SRGAP3: variants seen among roughly 807,000 people sequenced by gnomAD.
The protein encoded by SRGAP3 is SLIT-ROBO Rho GTPase activating protein 3, also known as SLIT-ROBO Rho GTPase-activating protein 3.
A neutral mutation model predicts 121.1 loss-of-function variants in SRGAP3; 39 were observed. The ratio of observed to expected loss-of-function variants is 0.32; its 90% CI spans 0.25 to 0.42. SRGAP3 has a LOEUF of 0.42. SRGAP3 is among the 10% of genes least tolerant of loss of function. The pLI is 1.00. For missense variants in SRGAP3, 1,213 were observed against 1,470.6 expected (o/e 0.82, Z 2.86); for synonymous variants, 601 against 570.0 (o/e 1.05, Z -0.77).
intron 2 of SRGAP3, among the ~76,000 whole-genome samples, chr3:9,328,546 G>T (rs920256056): frequency 2.0e-5 from 3 of 152,138 alleles, no homozygotes; most frequent in African/African-American, 7.2e-5. Flanking sequence ...TTTTAGCCAG[G>T]CCAAACGGCT....
chr3:9,053,400 C>T (rs1449336464), intron 8 of SRGAP3, among the ~76,000 whole-genome samples, 176 bp from the exon 9 acceptor site: 1 of 152,184 alleles, frequency 6.6e-6, no homozygotes, highest in African/African-American at 2.4e-5. Context: ...AGTCACCAAC[C>T]CAAAATCACA....
chr3:9,005,674 A>C (rs1943028048), intron 18 of SRGAP3, among the ~76,000 whole-genome samples: 1 of 152,256 alleles, frequency 6.6e-6, no homozygotes. Context: ...ATGTTATATA[A>C]TTCCATTTAT....
chr3:9,144,256 C>T (rs113917699), intron 1 of SRGAP3, among the ~76,000 whole-genome samples: 1,889 of 152,344 alleles, frequency 0.012, 34 homozygotes, highest in African/African-American at 0.042. Context: ...GTAAGACCTA[C>T]GTGGTGTGGT....
intron 3 of SRGAP3, among the ~76,000 whole-genome samples, chr3:9,309,764 T>C (rs1195968485): frequency 6.6e-6 from 1 of 152,096 alleles, no homozygotes; most frequent in Non-Finnish European, 1.5e-5. Flanking sequence ...AAGGCTGTGG[T>C]GGGAGGACTG....
chr3:9,056,115 T>C (rs1207304643), intron 8 of SRGAP3, 118 bp downstream of exon 8: 1 of 868,390 alleles, frequency 1.2e-6, no homozygotes, highest in African/African-American at 1.6e-5. Flanking sequence ...GATCGTGTAC[T>C]ATTCCATCTT....
At chr3:9,075,937 T>C (rs1369419015) in intron 4 of SRGAP3, among the ~76,000 whole-genome samples, 1 of 152,186 alleles carries the variant, frequency 6.6e-6, no homozygotes, top group Non-Finnish European at 1.5e-5. Context: ...TTGTGATCAT[T>C]ACTGGCATGG....
At chr3:9,146,316 T>C (rs556564797) in intron 1 of SRGAP3, among the ~76,000 whole-genome samples, 6 of 152,288 alleles carry the variant, frequency 3.9e-5, no homozygotes, top group Admixed American at 2.0e-4. Flanking sequence ...GCATTTCCCT[T>C]AGACTGCCCA....
At chr3:9,174,582 A>G (rs979980260) in intron 1 of SRGAP3, among the ~76,000 whole-genome samples, 1 of 152,202 alleles carries the variant, frequency 6.6e-6, no homozygotes, top group African/African-American at 2.4e-5. Flanking sequence ...AAGGCGTCAT[A>G]TTGATCATCT....
intron 10 of SRGAP3, 37 bp from the exon 11 acceptor site, chr3:9,038,127 T>C: frequency 6.2e-7 from 1 of 1,613,770 alleles, no homozygotes; most frequent in Non-Finnish European, 8.5e-7. Context: ...TTAATTGCCT[T>C]TTCTTTTTAA....
chr3:9,206,215 G>A (rs1489228495), intron 1 of SRGAP3, among the ~76,000 whole-genome samples: 1 of 152,104 alleles, frequency 6.6e-6, no homozygotes, highest in Non-Finnish European at 1.5e-5. Flanking sequence ...CAGGCTCTGT[G>A]CTAACCTCTA....
intron 2 of SRGAP3, among the ~76,000 whole-genome samples, chr3:9,326,602 G>A (rs1462179421): frequency 1.3e-5 from 2 of 151,744 alleles, no homozygotes; most frequent in African/African-American, 2.4e-5. Context: ...CTGAACTTAT[G>A]TCCTCTCGAA....
chr3:9,091,244 G>A (rs186232223), intron 3 of SRGAP3, among the ~76,000 whole-genome samples: 5 of 152,086 alleles, frequency 3.3e-5, no homozygotes, highest in East Asian at 1.9e-4. Flanking sequence ...CAAACCCTGC[G>A]TCAGCCAGCC....
At chr3:9,083,708 T>C (rs1054535655) in intron 3 of SRGAP3, among the ~76,000 whole-genome samples, 8 of 152,222 alleles carry the variant, frequency 5.3e-5, no homozygotes, top group African/African-American at 1.9e-4. Context: ...TCACTGTGCA[T>C]ATGGGCAGGG....
chr3:9,124,042 T>G (rs750258347), intron 2 of SRGAP3, among the ~76,000 whole-genome samples: 1 of 152,008 alleles, frequency 6.6e-6, no homozygotes, highest in Non-Finnish European at 1.5e-5. Flanking sequence ...CTGCCTGTAT[T>G]TAATGAGCTG....
intron 1 of SRGAP3, among the ~76,000 whole-genome samples, chr3:9,334,427 T>C (rs1437233214): frequency 1.3e-5 from 2 of 151,970 alleles, no homozygotes; most frequent in African/African-American, 4.8e-5. Context: ...GTACTAGATA[T>C]ACAGAAAATG....
Position 9,096,811 on chromosome 3 carries a change from A to G in SRGAP3, c.423+7869T>C, listed in dbSNP as rs944117485. 2.0e-5 allele frequency among the ~76,000 whole-genome samples: 3 copies of G among 149,370 alleles called. No homozygotes were observed. The East Asian group carries it at 5.8e-4, about 29-fold the overall frequency. On this transcript the variant is annotated intron_variant, in intron 3 of 21. Coordinates refer to ENST00000383836, the MANE Select transcript of SRGAP3 (RefSeq NM_014850.4). Reference sequence around the variant, plus strand: ...CCTGAAAAAATTCTTCCTTCATCCCATCTCCAATCTCATTCTCATTAAATT... The same window carrying G: ...CCTGAAAAAATTCTTCCTTCATCCCGTCTCCAATCTCATTCTCATTAAATT...
At chr3:9,054,280 A>T (rs1314424726) in intron 8 of SRGAP3, among the ~76,000 whole-genome samples, 1 of 152,198 alleles carries the variant, frequency 6.6e-6, no homozygotes, top group Non-Finnish European at 1.5e-5. Flanking sequence ...TACTGTTAGA[A>T]CAGACTCTTT....
intron 10 of SRGAP3, among the ~76,000 whole-genome samples, chr3:9,045,995 T>C (rs1945255964): frequency 6.6e-6 from 1 of 152,128 alleles, no homozygotes; most frequent in Non-Finnish European, 1.5e-5. Flanking sequence ...CTTCCCTCTT[T>C]GCTACCCAAA....
chr3:9,093,193 G>C (rs1337544895), intron 3 of SRGAP3, among the ~76,000 whole-genome samples: 1 of 152,158 alleles, frequency 6.6e-6, no homozygotes, highest in Non-Finnish European at 1.5e-5. Context: ...AAACATTATT[G>C]ATCACTTATT....
Sources: gnomAD v4.1 joint callset for allele counts (sites outside exome capture counted in the v4.1 genomes callset) on GRCh38, gnomAD v4.1.1 for gene constraint, MANE v1.5 for transcripts, NCBI Gene and HGNC (gene_info 2026-07-23, HGNC 2026-07-21) for gene names.